OPCML: variants seen among roughly 807,000 people sequenced by gnomAD.
OPCML encodes the protein opioid binding protein/cell adhesion molecule like, also known as opioid-binding protein/cell adhesion molecule.
Under a neutral mutation model 37.8 loss-of-function variants are expected in OPCML, and 13 were observed. The observed-to-expected ratio is 0.34, with a 90% confidence interval of 0.22 to 0.55. The LOEUF (loss-of-function observed/expected upper bound fraction) is 0.55. Among genes scored for constraint, OPCML ranks in the 20% least tolerant of loss-of-function variants. The probability of loss-of-function intolerance (pLI) is 0.91; values close to 1 mark genes in which losing one functional copy is unlikely to be tolerated. For missense variants in OPCML, 341 were observed against 435.6 expected (o/e 0.78, Z 1.93); for synonymous variants, 176 against 168.8 (o/e 1.04, Z -0.33).
intron 4 of OPCML, among the ~76,000 whole-genome samples, chr11:132,440,348 T>A (rs76203669): frequency 0.013 from 1,985 of 151,820 alleles, 33 homozygotes; most frequent in African/African-American, 0.043. Flanking sequence ...TTTTTTTTTT[T>A]AAATATAGAT....
intron 1 of OPCML, among the ~76,000 whole-genome samples, chr11:132,962,339 A>G (rs1476255099): frequency 6.6e-6 from 1 of 152,164 alleles, no homozygotes; most frequent in Non-Finnish European, 1.5e-5. Flanking sequence ...ACCCTCCCCC[A>G]TCATGATGAA....
At chr11:132,728,924 G>A (rs1944978312) in intron 2 of OPCML, among the ~76,000 whole-genome samples, 1 of 151,920 alleles carries the variant, frequency 6.6e-6, no homozygotes, top group Non-Finnish European at 1.5e-5. Context: ...CCCAATGCTG[G>A]GCCCCAGTGA....
intron 2 of OPCML, among the ~76,000 whole-genome samples, chr11:132,716,414 C>T (rs770286227): frequency 3.4e-4 from 4 of 11,852 alleles, no homozygotes; most frequent in African/African-American, 1.3e-3. Flanking sequence ...ATCTGTCTGT[C>T]TATCTATCTA....
chr11:132,804,123 A>G (rs1375766757), intron 2 of OPCML, among the ~76,000 whole-genome samples: 1 of 152,202 alleles, frequency 6.6e-6, no homozygotes, highest in African/African-American at 2.4e-5. Flanking sequence ...GAAATGGCTG[A>G]TAGAAGGTGA....
chr11:133,237,611 A>G (rs1353719356), intron 1 of OPCML, among the ~76,000 whole-genome samples: 1 of 152,096 alleles, frequency 6.6e-6, no homozygotes, highest in Non-Finnish European at 1.5e-5. Context: ...GAGGGTCTAA[A>G]CTCTTTCCTT....
At chr11:132,637,892 G>T (rs1349401640) in intron 3 of OPCML, among the ~76,000 whole-genome samples, 1 of 152,052 alleles carries the variant, frequency 6.6e-6, no homozygotes, top group East Asian at 1.9e-4. Context: ...TCCTGCTCAG[G>T]ATAGTCTCTG....
chr11:132,681,737 C>T (rs189480178), intron 2 of OPCML, among the ~76,000 whole-genome samples: 2 of 152,120 alleles, frequency 1.3e-5, no homozygotes, highest in African/African-American at 4.8e-5. Flanking sequence ...GGGCAGATCA[C>T]GAGGTCAGGA....
chr11:132,622,722 C>T (rs952090912), intron 3 of OPCML, among the ~76,000 whole-genome samples: 2 of 152,166 alleles, frequency 1.3e-5, no homozygotes, highest in Non-Finnish European at 2.9e-5. Context: ...TGGGGGGCTG[C>T]TAAGAGAGTT....
At chr11:133,060,652 G>A (rs1436907821) in intron 1 of OPCML, among the ~76,000 whole-genome samples, 1 of 152,214 alleles carries the variant, frequency 6.6e-6, no homozygotes, top group East Asian at 1.9e-4. Flanking sequence ...GAGAAAACAG[G>A]CCTCTTATTG....
intron 1 of OPCML, among the ~76,000 whole-genome samples, chr11:133,495,365 C>T (rs1947762878): frequency 6.6e-6 from 1 of 152,140 alleles, no homozygotes; most frequent in Non-Finnish European, 1.5e-5. Flanking sequence ...TATAAACATG[C>T]GTATGCAAGT....
intron 4 of OPCML, among the ~76,000 whole-genome samples, chr11:132,500,022 A>C (rs1025152470): frequency 2.6e-5 from 4 of 152,212 alleles, no homozygotes; most frequent in Non-Finnish European, 5.9e-5. Context: ...TGTGAAATGC[A>C]GATCTGGAGT....
intron 1 of OPCML, among the ~76,000 whole-genome samples, chr11:133,246,485 G>T (rs1940930025): frequency 1.3e-5 from 2 of 152,208 alleles, no homozygotes; most frequent in South Asian, 4.1e-4. Context: ...GTGGCAAGTT[G>T]CAGGGGGACA....
intron 1 of OPCML, among the ~76,000 whole-genome samples, chr11:133,306,686 C>A (rs1023724982): frequency 6.6e-6 from 1 of 152,124 alleles, no homozygotes; most frequent in African/African-American, 2.4e-5. Flanking sequence ...GTCCATCTCA[C>A]CTTCTAAGAG....
chr11:132,470,913 T>C (rs1014835144), intron 4 of OPCML, among the ~76,000 whole-genome samples: 2 of 152,180 alleles, frequency 1.3e-5, no homozygotes, highest in Non-Finnish European at 2.9e-5. Flanking sequence ...AAAGGCGTTC[T>C]AGGACCTGAC....
chr11:133,008,731 T>A (rs1947159437), intron 1 of OPCML: 1 of 278,682 alleles, frequency 3.6e-6, no homozygotes, highest in African/African-American at 2.3e-5. Flanking sequence ...CTGAGGCCTC[T>A]GATATGACTG....
In OPCML at chr11:133,022,206, A is replaced by G. The variant is rs1947468212; in HGVS notation, c.62-79196T>C. ...TAGTGGAGTTTCAGAAGATGTCCAA[A>G]TGATGAGAAAAATGACTTCACACAG... On this transcript the variant is annotated intron_variant, in intron 1 of 7. Coordinates refer to ENST00000524381, the MANE Select transcript of OPCML (RefSeq NM_001012393.5). Among the ~76,000 whole-genome samples, 4 of 152,192 alleles carry G rather than the reference A, an allele frequency of 2.6e-5. No homozygotes were observed. In the South Asian group the frequency reaches 8.3e-4, roughly 32 times the overall value.
At chr11:132,670,395 A>G (rs1942419274) in intron 2 of OPCML, among the ~76,000 whole-genome samples, 1 of 152,256 alleles carries the variant, frequency 6.6e-6, no homozygotes, top group African/African-American at 2.4e-5. Flanking sequence ...GACGGGCAAG[A>G]CCACAAAGGC....
chr11:132,795,094 A>G (rs1462315259), intron 2 of OPCML, among the ~76,000 whole-genome samples: 1 of 152,090 alleles, frequency 6.6e-6, no homozygotes, highest in Admixed American at 6.6e-5. Flanking sequence ...CTATTCATAT[A>G]CGTATACACA....
intron 2 of OPCML, among the ~76,000 whole-genome samples, chr11:132,758,458 T>G (rs556422670): frequency 6.6e-6 from 1 of 152,234 alleles, no homozygotes; most frequent in Non-Finnish European, 1.5e-5. Flanking sequence ...TTTCCGTTTG[T>G]GTCCTCTCTT....
Sources: gnomAD v4.1 joint callset for allele counts (sites outside exome capture counted in the v4.1 genomes callset) on GRCh38, gnomAD v4.1.1 for gene constraint, MANE v1.5 for transcripts, NCBI Gene and HGNC (gene_info 2026-07-23, HGNC 2026-07-21) for gene names.